Variants in ATPAF1 observed in about 807,000 individuals in gnomAD.
The protein encoded by ATPAF1 is homolog of yeast ATP11.
In ATPAF1, 26 loss-of-function variants were observed where a neutral mutation model predicts 43.9. The ratio of observed to expected loss-of-function variants is 0.59; its 90% CI spans 0.43 to 0.82. The LOEUF is 0.82. Among genes scored for constraint, ATPAF1 ranks in the 40% least tolerant of loss-of-function variants. The pLI is 0.00. For synonymous variants in ATPAF1, 157 were observed against 168.0 expected, an observed-to-expected ratio of 0.93 and a Z score of 0.50; for missense variants, 366 against 435.0, an observed-to-expected ratio of 0.84 and a Z score of 1.41.
At chr1:46,665,774 A>G in intron 1 of ATPAF1, 2 of 1,499,536 alleles carry the variant, frequency 1.3e-6, no homozygotes, top group Non-Finnish European at 1.8e-6. Context: ...ATGTCCCCCC[A>G]ACCAGGTTAA....
intron 1 of ATPAF1, chr1:46,665,973 T>C (rs1676483787): frequency 1.4e-6 from 1 of 725,556 alleles, no homozygotes; most frequent in Non-Finnish European, 1.9e-6. Flanking sequence ...TGGGGTGCTG[T>C]CCCTATTAAG....
In ATPAF1 at chr1:46,652,456, G is replaced by A. The variant is rs906976024; in HGVS notation, c.588+125C>T. 8.9e-6 allele frequency: 8 copies of A among 896,056 alleles called. No homozygotes were observed. In the Admixed American group the frequency reaches 1.1e-4, roughly 12 times the overall value. 55.5% of individuals were successfully genotyped at this position (896,056 alleles called of 1,614,324 possible). A position where few individuals can be genotyped will look rare whatever the true frequency, so the allele number is the denominator to read the frequency against. The stretch of plus-strand genomic sequence containing the variant: ...ACTTATTAGTACAATCAACATGTGA[G>A]CATCTTTATTAAGTAAACAGAGCAC... On this transcript the variant is annotated intron_variant, in intron 6 of 8. Coordinates refer to ENST00000574428, the Ensembl canonical transcript of ATPAF1.
intron 2 of ATPAF1, among the ~76,000 whole-genome samples, chr1:46,663,578 CTTCTT>C (rs1245428400): frequency 2.0e-5 from 3 of 151,588 alleles, no homozygotes; most frequent in Non-Finnish European, 4.4e-5. Context: ...GCATAAATGT[CTTCTT>C]TTGAGAAGTG....
At position 46,668,173 on chromosome 1, in the gene ATPAF1, G is replaced by C; in HGVS notation, c.150C>G (p.Arg50=). The C allele has an allele frequency of 7.1e-7, 1 of 1,405,548 alleles. No individual in the cohort carries two copies. 87.1% of individuals were successfully genotyped at this position (1,405,548 alleles called of 1,614,324 possible). The change falls in exon 1 of 9, where the codon CGC becomes CGG. Residue 50 remains arginine, a synonymous_variant. Transcript: ENST00000574428. The surrounding 1 kb of genome is among the most constrained non-coding windows in gnomAD (Gnocchi z 4.4). ...CCCCCTCGGGCCGGCCCGAGCCGGG[G>C]CGCACTGGGAAGACGCGCAGCTGCG...
chr1:46,635,921 G>C, exon 9 of ATPAF1: 1 of 1,614,248 alleles, frequency 6.2e-7, no homozygotes, highest in Non-Finnish European at 8.5e-7. Flanking sequence ...CCGATCAGTA[G>C]CGTAGAAGAG....
chr1:46,637,325 A>C (rs1049758753), intron 8 of ATPAF1, among the ~76,000 whole-genome samples: 3 of 152,144 alleles, frequency 2.0e-5, no homozygotes, highest in African/African-American at 7.2e-5. Context: ...GGCTGCACTG[A>C]GCTATGGTCA....
intron 8 of ATPAF1, chr1:46,636,191 T>G: frequency 1.6e-6 from 1 of 607,234 alleles, no homozygotes; most frequent in South Asian, 1.9e-5. Context: ...TATTGTATTT[T>G]TCCTTTTCTT....
intron 6 of ATPAF1, among the ~76,000 whole-genome samples, chr1:46,646,001 C>A (rs1676036949): frequency 6.6e-6 from 1 of 151,906 alleles, no homozygotes; most frequent in Admixed American, 6.6e-5. Flanking sequence ...ACAGTGAGAC[C>A]CCGTCACTAC....
chr1:46,642,530 G>A (rs1383857034), intron 8 of ATPAF1, among the ~76,000 whole-genome samples: 1 of 152,186 alleles, frequency 6.6e-6, no homozygotes, highest in East Asian at 1.9e-4. Context: ...TATGGTCAAT[G>A]CTCTATCTCA....
At position 46,635,973 on chromosome 1, in the gene ATPAF1, G is replaced by A; in HGVS notation, c.793-3C>T. On this transcript the variant is annotated splice_region_variant and splice_polypyrimidine_tract_variant and intron_variant, in intron 8 of 8. Transcript: ENST00000574428. The stretch of plus-strand genomic sequence containing the variant: ...ATGCACTGTGCCTCAGCAACATTCT[G>A]TAAGGTAAAAAGAATAATGAGGTCC... The A allele has an allele frequency of 6.2e-7, 1 of 1,613,922 alleles. No homozygotes were observed. Among genetic ancestry groups the A allele is most frequent in the Non-Finnish European group, 8.5e-7 (1 of 1,179,928 alleles).
At chr1:46,638,621 CAA>C (rs55686309) in intron 8 of ATPAF1, among the ~76,000 whole-genome samples, 360 of 125,386 alleles carry the variant, frequency 2.9e-3, no homozygotes, top group Non-Finnish European at 3.2e-3. Flanking sequence ...AGACTGTCTC[CAA>C]AAAAAAAAAA....
At chr1:46,646,235 T>C (rs906338487) in intron 6 of ATPAF1, among the ~76,000 whole-genome samples, 1 of 152,252 alleles carries the variant, frequency 6.6e-6, no homozygotes, top group Non-Finnish European at 1.5e-5. Flanking sequence ...TTTTACTTCA[T>C]AGTATGCTTC....
intron 8 of ATPAF1, among the ~76,000 whole-genome samples, chr1:46,640,715 G>C (rs768721480): frequency 6.6e-6 from 1 of 152,152 alleles, no homozygotes; most frequent in East Asian, 1.9e-4. Context: ...TTCTTAACTC[G>C]TGGGCGTTAT....
chr1:46,645,263 A>C lies in ATPAF1; in HGVS notation c.589-7T>G. ...TTGGCAGAGCACATAGAAACTGTGA[A>C]AAACAGATATACAAGGAGACAGATG... On this transcript the variant is annotated splice_polypyrimidine_tract_variant and splice_region_variant and intron_variant, in intron 6 of 8. Transcript: ENST00000574428. 1.3e-6 allele frequency: 2 copies of C among 1,595,778 alleles called. No homozygotes were observed. Among genetic ancestry groups the C allele is most frequent in the Non-Finnish European group, 1.7e-6 (2 of 1,163,468 alleles).
rs1473088685 is a variant in ATPAF1, at chr1:46,668,329, C to T, written c.-7G>A. 1 of 1,359,278 alleles carries T rather than the reference C, an allele frequency of 7.4e-7. No homozygotes were observed. Among genetic ancestry groups the T allele is most frequent in the South Asian group, 1.7e-5 (1 of 59,980 alleles). 84.2% of individuals were successfully genotyped at this position (1,359,278 alleles called of 1,614,324 possible). On this transcript the variant is annotated 5_prime_UTR_variant, in exon 1 of 9. Transcript: ENST00000574428. The surrounding 1 kb of genome is among the most constrained non-coding windows in gnomAD (Gnocchi z 4.4). Reference sequence around the variant, plus strand: ...CCACCACCACAGCAGCCATGGCCGCCCCCGCCTCCTCCTCCTCCTCAGGCG... The same window carrying T: ...CCACCACCACAGCAGCCATGGCCGCTCCCGCCTCCTCCTCCTCCTCAGGCG...
intron 6 of ATPAF1, among the ~76,000 whole-genome samples, chr1:46,650,626 G>A (rs1676147024): frequency 6.6e-6 from 1 of 152,104 alleles, no homozygotes; most frequent in Non-Finnish European, 1.5e-5. Flanking sequence ...CAACCTAAGT[G>A]TCCATCAACA....
At chr1:46,636,204 T>C (rs1279322654) in intron 8 of ATPAF1, 3 of 581,966 alleles carry the variant, frequency 5.2e-6, no homozygotes, top group Non-Finnish European at 6.1e-6. Context: ...CTTTTCTTTT[T>C]TTGTCTATTT....
chr1:46,660,187 A>G (rs1208196736), intron 2 of ATPAF1, among the ~76,000 whole-genome samples: 1 of 152,112 alleles, frequency 6.6e-6, no homozygotes, highest in Admixed American at 6.5e-5. Flanking sequence ...CATGTTGGCC[A>G]GGCTGGTCTT....
intron 6 of ATPAF1, among the ~76,000 whole-genome samples, chr1:46,651,613 C>T (rs1676171335): frequency 6.6e-6 from 1 of 152,018 alleles, no homozygotes; most frequent in Non-Finnish European, 1.5e-5. Flanking sequence ...TACAGTCCCA[C>T]CAACAGTGTA....
Sources: gnomAD v4.1 joint callset for allele counts (sites outside exome capture counted in the v4.1 genomes callset) on GRCh38, gnomAD v4.1.1 for gene constraint, Gnocchi (gnomAD v3.1) non-coding constraint, MANE v1.5 for transcripts, NCBI Gene and HGNC (gene_info 2026-07-23, HGNC 2026-07-21) for gene names.